Variants in ALKBH8 observed in about 807,000 individuals in gnomAD.
ALKBH8 encodes alkB homolog 8, tRNA methyltransferase, also known as tRNA (carboxymethyluridine(34)-5-O)-methyltransferase ALKBH8.
A neutral mutation model predicts 59.8 loss-of-function variants in ALKBH8; 36 were observed. The ratio of observed to expected loss-of-function variants is 0.60; its 90% CI spans 0.46 to 0.79. The LOEUF (loss-of-function observed/expected upper bound fraction) is 0.79, where lower values mean the gene tolerates loss of function less well. Ranked by LOEUF, ALKBH8 falls within the 30% of genes least tolerant of loss-of-function variation. The pLI is 0.00. For synonymous variants in ALKBH8, 276 were observed against 273.6 expected, an observed-to-expected ratio of 1.01 and a Z score of -0.09; for missense variants, 768 against 801.0, an observed-to-expected ratio of 0.96 and a Z score of 0.50.
At chr11:107,523,429 T>C (rs1252530758) in intron 9 of ALKBH8, among the ~76,000 whole-genome samples, 2 of 151,894 alleles carry the variant, frequency 1.3e-5, no homozygotes, top group Non-Finnish European at 1.5e-5. Context: ...TAGAGAGTAG[T>C]AGAATGGTGG....
At chr11:107,530,648 C>G (rs1289491571) in intron 8 of ALKBH8, among the ~76,000 whole-genome samples, 5 of 131,414 alleles carry the variant, frequency 3.8e-5, no homozygotes, top group African/African-American at 5.7e-5. Flanking sequence ...CACACACACA[C>G]AGAGTGATGT....
chr11:107,517,614 T>G (rs1405086629), intron 10 of ALKBH8, among the ~76,000 whole-genome samples: 1 of 152,090 alleles, frequency 6.6e-6, no homozygotes, highest in African/African-American at 2.4e-5. Context: ...TTCATAACAA[T>G]ATAGGTAAAC....
At chr11:107,545,831 T>C (rs1001489414) in intron 7 of ALKBH8, among the ~76,000 whole-genome samples, 10 of 152,164 alleles carry the variant, frequency 6.6e-5, no homozygotes, top group African/African-American at 1.9e-4. Context: ...CTTCCCGAAA[T>C]TGATAAAAGG....
chr11:107,539,397 T>C (rs2037823), intron 7 of ALKBH8, among the ~76,000 whole-genome samples: 39,736 of 151,990 alleles, frequency 0.26, 5,789 homozygotes, highest in East Asian at 0.47. Context: ...GTCAGGAGTT[T>C]GAGACCAGCC....
At chr11:107,552,472 G>C (rs1439842032) in intron 5 of ALKBH8, among the ~76,000 whole-genome samples, 1 of 151,976 alleles carries the variant, frequency 6.6e-6, no homozygotes, top group African/African-American at 2.4e-5. Flanking sequence ...TAATCAATTA[G>C]ACACTTCATT....
At chr11:107,561,208 C>T (rs1864924457) in intron 1 of ALKBH8, among the ~76,000 whole-genome samples, 1 of 151,960 alleles carries the variant, frequency 6.6e-6, no homozygotes. Context: ...TAAAATGTGC[C>T]ATACACAAAT....
chr11:107,547,132 A>G (rs1422026453), intron 7 of ALKBH8, among the ~76,000 whole-genome samples: 1 of 152,256 alleles, frequency 6.6e-6, no homozygotes, highest in East Asian at 1.9e-4. Context: ...AATGCCACTG[A>G]CAAAATTATT....
intron 1 of ALKBH8, among the ~76,000 whole-genome samples, chr11:107,564,248 A>G (rs1336465655): frequency 6.6e-6 from 1 of 152,162 alleles, no homozygotes; most frequent in African/African-American, 2.4e-5. Context: ...AAGCCAATAT[A>G]TCCTACTAGA....
chr11:107,551,635 A>G (rs965959198), intron 6 of ALKBH8, among the ~76,000 whole-genome samples, 173 bp downstream of exon 6: 13 of 151,082 alleles, frequency 8.6e-5, no homozygotes, highest in African/African-American at 2.4e-4. Context: ...CAGAGGTTGC[A>G]GTGAACCGAG....
At chr11:107,507,858 T>A (rs774337200) in intron 11 of ALKBH8, among the ~76,000 whole-genome samples, 7 of 152,168 alleles carry the variant, frequency 4.6e-5, no homozygotes, top group Non-Finnish European at 8.8e-5. Context: ...GTTGTGTCCA[T>A]ATACTTGGAT....
At position 107,556,665 on chromosome 11, in the gene ALKBH8, T is replaced by A. The variant is rs73555513; in HGVS notation, c.367+101A>T. 3,055 of 789,662 alleles carry A rather than the reference T, an allele frequency of 3.9e-3. 60 individuals are homozygous for A. The African/African-American group carries it at 0.046, about 12-fold the overall frequency. 48.9% of individuals were successfully genotyped at this position (789,662 alleles called of 1,614,324 possible). ...AAAGTAAAAGGAGCTGCTAACCTGC[T>A]TCCTCATTTTGTTTCACAATAACTG... is the stretch of plus-strand genomic sequence containing the variant. On this transcript the variant is annotated intron_variant, in intron 3 of 11. Coordinates refer to ENST00000428149, the MANE Select transcript of ALKBH8 (RefSeq NM_138775.3).
At chr11:107,508,452 C>T (rs755153642) in intron 11 of ALKBH8, among the ~76,000 whole-genome samples, 1 of 152,140 alleles carries the variant, frequency 6.6e-6, no homozygotes, top group African/African-American at 2.4e-5. Flanking sequence ...GGATGACAGG[C>T]GTGAGCCACG....
intron 8 of ALKBH8, 129 bp from the exon 9 acceptor site, chr11:107,525,721 T>TAA: frequency 1.7e-6 from 1 of 577,478 alleles, no homozygotes; most frequent in Non-Finnish European, 2.6e-6. Flanking sequence ...ATTCCCTGAA[T>TAA]TGTTAGACAT....
chr11:107,552,536 A>T (rs1326485845), intron 5 of ALKBH8, among the ~76,000 whole-genome samples: 1 of 152,198 alleles, frequency 6.6e-6, no homozygotes, highest in East Asian at 1.9e-4. Flanking sequence ...GGAAATACAA[A>T]TGACCAACCT....
chr11:107,530,115 G>A (rs953103515), intron 8 of ALKBH8, among the ~76,000 whole-genome samples: 2 of 151,976 alleles, frequency 1.3e-5, no homozygotes, highest in Middle Eastern at 3.2e-3. Context: ...TTTATATGTA[G>A]AAAACTGAAA....
intron 10 of ALKBH8, among the ~76,000 whole-genome samples, chr11:107,516,080 A>C (rs1591256861): frequency 6.6e-6 from 1 of 152,228 alleles, no homozygotes; most frequent in East Asian, 1.9e-4. Context: ...ACTGCACTTA[A>C]GCCACATAAC....
intron 10 of ALKBH8, among the ~76,000 whole-genome samples, chr11:107,519,989 A>G (rs1241702673): frequency 6.6e-6 from 1 of 152,218 alleles, no homozygotes; most frequent in African/African-American, 2.4e-5. Context: ...GTTAGTTATT[A>G]TAACATAAGG....
intron 7 of ALKBH8, among the ~76,000 whole-genome samples, chr11:107,537,277 C>G (rs1056817090): frequency 6.6e-6 from 1 of 152,098 alleles, no homozygotes; most frequent in Non-Finnish European, 1.5e-5. Flanking sequence ...TTTGGTGATT[C>G]CCAATAGCAA....
chr11:107,540,935 G>C lies in ALKBH8; in HGVS notation c.772-8529C>G, dbSNP rs111394379. On this transcript the variant is annotated intron_variant, in intron 7 of 11. Coordinates refer to ENST00000428149, the MANE Select transcript of ALKBH8 (RefSeq NM_138775.3). The stretch of plus-strand genomic sequence containing the variant: ...ATAAATAATGTATTTTTACAAATAG[G>C]GTGGTGTATATTTTATATTTGTACA... Among the ~76,000 whole-genome samples, 784 of 152,156 alleles carry C rather than the reference G, an allele frequency of 5.2e-3. 4 individuals carry two copies. Among genetic ancestry groups the C allele is most frequent in the African/African-American group, 0.018 (742 of 41,484 alleles).
Sources: allele counts gnomAD v4.1 joint callset (sites outside exome capture counted in the v4.1 genomes callset), GRCh38; gene constraint gnomAD v4.1.1; transcripts MANE v1.5; gene names NCBI Gene and HGNC (gene_info 2026-07-23, HGNC 2026-07-21).